Variants in SDK1 observed in about 807,000 individuals in gnomAD.
SDK1 encodes the protein protein sidekick-1.
In SDK1, 157 loss-of-function variants were observed where a neutral mutation model predicts 245.5. That is an observed-to-expected ratio of 0.64 (90% confidence interval 0.56 to 0.73). SDK1 has a LOEUF of 0.73. Among genes scored for constraint, SDK1 ranks in the 30% least tolerant of loss-of-function variants. The pLI, the probability that SDK1 is intolerant of heterozygous loss-of-function variation, is 0.00. For synonymous variants in SDK1, 1,647 were observed against 1,278.5 expected, an observed-to-expected ratio of 1.29 and a Z score of -6.15; for missense variants, 3,583 against 3,002.3, an observed-to-expected ratio of 1.19 and a Z score of -4.52.
chr7:3,335,305 C>T (rs905227468), intron 1 of SDK1, among the ~76,000 whole-genome samples: 4 of 152,186 alleles, frequency 2.6e-5, no homozygotes, highest in Admixed American at 1.3e-4. Context: ...TTATTTACCC[C>T]CTAAGCATTA....
intron 1 of SDK1, among the ~76,000 whole-genome samples, chr7:3,538,044 C>A (rs1489790577): frequency 6.6e-6 from 1 of 152,132 alleles, no homozygotes; most frequent in African/African-American, 2.4e-5. Flanking sequence ...TGGAGTCTTT[C>A]TTATTTTGGC....
At chr7:3,632,659 T>C (rs1782334134) in intron 2 of SDK1, among the ~76,000 whole-genome samples, 1 of 152,248 alleles carries the variant, frequency 6.6e-6, no homozygotes, top group South Asian at 2.1e-4. Context: ...GTGTTCCCTT[T>C]GTATAGCTTC....
At chr7:3,613,665 G>A (rs937475181) in intron 1 of SDK1, among the ~76,000 whole-genome samples, 7 of 152,066 alleles carry the variant, frequency 4.6e-5, no homozygotes, top group African/African-American at 7.2e-5. Flanking sequence ...AATATAAATC[G>A]TTCTATTATA....
intron 25 of SDK1, among the ~76,000 whole-genome samples, chr7:4,118,923 A>G (rs1414956930): frequency 6.7e-6 from 1 of 148,592 alleles, no homozygotes; most frequent in Non-Finnish European, 1.5e-5. Context: ...AGACTAAGAG[A>G]GAGCATTTGA....
At chr7:3,669,151 A>G (rs995299383) in intron 4 of SDK1, among the ~76,000 whole-genome samples, 4 of 152,238 alleles carry the variant, frequency 2.6e-5, no homozygotes, top group African/African-American at 4.8e-5. Flanking sequence ...GTGGTAAAAC[A>G]TATTGGTTAG....
At chr7:3,429,399 G>T (rs1038776855) in intron 1 of SDK1, among the ~76,000 whole-genome samples, 18 of 152,056 alleles carry the variant, frequency 1.2e-4, no homozygotes, top group Non-Finnish European at 2.5e-4. Flanking sequence ...TGGGTTTTTT[G>T]TTGTTTTTAA....
intron 4 of SDK1, among the ~76,000 whole-genome samples, chr7:3,776,570 G>C (rs898799590): frequency 2.6e-5 from 4 of 152,200 alleles, no homozygotes; most frequent in Non-Finnish European, 4.4e-5. Flanking sequence ...AATGAAGATA[G>C]TATGTGAATA....
chr7:3,736,557 C>T (rs1053738231), intron 4 of SDK1, among the ~76,000 whole-genome samples: 2 of 152,312 alleles, frequency 1.3e-5, no homozygotes, highest in East Asian at 3.9e-4. Context: ...CAGGCGTGAG[C>T]CACCATGCCC....
chr7:4,088,890 C>T (rs764065907), intron 22 of SDK1, among the ~76,000 whole-genome samples: 53 of 152,346 alleles, frequency 3.5e-4, no homozygotes, highest in Admixed American at 9.1e-4. Flanking sequence ...AGGCAGAGGA[C>T]TCTCGTGGGC....
intron 25 of SDK1, among the ~76,000 whole-genome samples, chr7:4,120,412 G>C (rs1783981110): frequency 6.7e-6 from 1 of 148,822 alleles, no homozygotes; most frequent in South Asian, 2.2e-4. Context: ...CCATTTGACT[G>C]AGGTGACTAT....
intron 4 of SDK1, among the ~76,000 whole-genome samples, chr7:3,807,984 GC>G: frequency 6.6e-6 from 1 of 152,246 alleles, no homozygotes. Flanking sequence ...CATCTGACCT[GC>G]GCATTGGTGC....
intron 1 of SDK1, among the ~76,000 whole-genome samples, chr7:3,501,884 G>C (rs761512402): frequency 7.2e-5 from 11 of 152,112 alleles, no homozygotes; most frequent in Non-Finnish European, 1.3e-4. Context: ...TTGATTTACA[G>C]ACATTTGGAA....
intron 1 of SDK1, among the ~76,000 whole-genome samples, chr7:3,347,717 C>T (rs1338144467): frequency 1.3e-5 from 2 of 152,126 alleles, no homozygotes; most frequent in Non-Finnish European, 2.9e-5. Flanking sequence ...AAGTTATGTT[C>T]TTCTGAACCT....
chr7:3,669,217 A>C lies in SDK1; in HGVS notation c.713+27112A>C, dbSNP rs576170500. On this transcript the variant is annotated intron_variant, in intron 4 of 44. Coordinates refer to ENST00000404826, the MANE Select transcript of SDK1 (RefSeq NM_152744.4). ...AAAGAAATGTGGAATTGAAATCCCA[A>C]ATTATAAGAGCATGGAAAGCAGTGT... Among the ~76,000 whole-genome samples the C allele has an allele frequency of 6.2e-4, 95 of 152,344 alleles. 2 individuals are homozygous for C. In the South Asian group the frequency reaches 0.019, roughly 31 times the overall value.
intron 4 of SDK1, among the ~76,000 whole-genome samples, chr7:3,671,913 T>C (rs1038444882): frequency 6.6e-5 from 10 of 152,192 alleles, no homozygotes; most frequent in African/African-American, 2.4e-4. Context: ...TGTTTGTGTT[T>C]ATAATGTGGA....
At chr7:4,190,320 G>A (rs1041817083) in intron 35 of SDK1, among the ~76,000 whole-genome samples, 7 of 152,144 alleles carry the variant, frequency 4.6e-5, no homozygotes, top group South Asian at 2.1e-4. Flanking sequence ...GCTGTGCTGC[G>A]TACAGGGCTG....
intron 4 of SDK1, among the ~76,000 whole-genome samples, chr7:3,716,373 A>G (rs1307015915): frequency 6.6e-6 from 1 of 152,214 alleles, no homozygotes; most frequent in Non-Finnish European, 1.5e-5. Flanking sequence ...GAAAATAAGT[A>G]ATTTCTGAAA....
intron 1 of SDK1, among the ~76,000 whole-genome samples, chr7:3,546,701 A>T (rs994887058): frequency 2.0e-5 from 3 of 152,226 alleles, no homozygotes; most frequent in South Asian, 2.1e-4. Context: ...ATCATTTCAC[A>T]AGGAACCTGT....
intron 5 of SDK1, among the ~76,000 whole-genome samples, chr7:3,834,298 T>C (rs1055501666): frequency 6.6e-6 from 1 of 152,196 alleles, no homozygotes; most frequent in East Asian, 1.9e-4. Context: ...CCGAGGACAC[T>C]TGGTGAATAT....
Sources: allele counts gnomAD v4.1 joint callset (sites outside exome capture counted in the v4.1 genomes callset), GRCh38; gene constraint gnomAD v4.1.1; transcripts MANE v1.5; gene names NCBI Gene and HGNC (gene_info 2026-07-23, HGNC 2026-07-21).